The following VPS16 variants were observed in gnomAD, a reference collection of about 807,000 sequenced individuals.
VPS16 encodes VPS16 core subunit of CORVET and HOPS complexes, also known as vacuolar protein sorting-associated protein 16 homolog.
A neutral mutation model predicts 116.0 loss-of-function variants in VPS16; 82 were observed. That is an observed-to-expected ratio of 0.71 (90% CI 0.59 to 0.85). The LOEUF is 0.85. VPS16 is among the 40% of genes least tolerant of loss of function. VPS16 has a pLI of 0.00. For synonymous variants in VPS16, 406 were observed against 420.7 expected (o/e 0.96, Z 0.43); for missense variants, 928 against 1,090.6 (o/e 0.85, Z 2.10).
In VPS16 at chr20:2,866,524, G is replaced by A. The variant is rs1418081550; in HGVS notation, c.2470G>A (p.Ala824Thr). 1.2e-6 allele frequency: 2 copies of A among 1,614,188 alleles called. No individual in the cohort carries two copies. The highest frequency in any genetic ancestry group is 1.1e-5 in the South Asian group (1 of 91,088). ...LSHCTGATDGATADKIQRARA... is the reference protein window; with the variant it reads ...LSHCTGATDGTTADKIQRARA... Reference sequence around the variant, plus strand: ...CCACTGCACGGGAGCCACAGATGGGGCCACAGCTGACAAGATTCAACGGGC... The same window carrying A: ...CCACTGCACGGGAGCCACAGATGGGACCACAGCTGACAAGATTCAACGGGC... Residue 824 changes from alanine to threonine, a missense_variant, in exon 24 of 24, where the codon GCC (alanine) becomes ACC (threonine). Transcript: ENST00000380445.
chr20:2,856,547 A>G (rs1186717538), intron 1 of VPS16, among the ~76,000 whole-genome samples: 2 of 152,240 alleles, frequency 1.3e-5, no homozygotes, highest in Non-Finnish European at 2.9e-5. Context: ...CTTGTAGTAT[A>G]AAAGTGGACA....
In VPS16 at chr20:2,841,709, G is replaced by A. The variant is rs2088976750; in HGVS notation, c.53+882G>A. Among the ~76,000 whole-genome samples, 3 of 151,900 alleles carry A rather than the reference G, an allele frequency of 2.0e-5. No individual in the cohort carries two copies. In the South Asian group the frequency reaches 6.2e-4, roughly 32 times the overall value. Reference sequence around the variant, plus strand: ...AGGTATGGTCTATTTGTATATTTAGGCGACATTTGTATAGGTTTCTTCTGC... The same window carrying A: ...AGGTATGGTCTATTTGTATATTTAGACGACATTTGTATAGGTTTCTTCTGC... On this transcript the variant is annotated intron_variant, in intron 1 of 23. Coordinates refer to ENST00000380445, the MANE Select transcript of VPS16 (RefSeq NM_022575.4).
chr20:2,850,955 G>C, intron 1 of VPS16, among the ~76,000 whole-genome samples: 1 of 123,690 alleles, frequency 8.1e-6, no homozygotes. Flanking sequence ...GGGCGATAGA[G>C]TAAGACTGTC....
chr20:2,840,936 C>G, intron 1 of VPS16, 109 bp downstream of exon 1: 1 of 1,086,948 alleles, frequency 9.2e-7, no homozygotes, highest in South Asian at 1.6e-5. Context: ...GGGTCCGCCC[C>G]GCGCCGGCTC....
intron 11 of VPS16, 191 bp downstream of exon 11, chr20:2,862,321 G>A: frequency 1.0e-6 from 1 of 971,370 alleles, no homozygotes; most frequent in South Asian, 1.7e-5. Context: ...GGGACGGGCA[G>A]AGCATCCCCA....
intron 1 of VPS16, among the ~76,000 whole-genome samples, chr20:2,854,178 G>A (rs1035552174): frequency 1.3e-5 from 2 of 150,928 alleles, no homozygotes; most frequent in Non-Finnish European, 2.9e-5. Context: ...GGAGGCCAAG[G>A]TATAAGAATC....
chr20:2,849,976 A>G (rs1049533169), intron 1 of VPS16, among the ~76,000 whole-genome samples: 15 of 152,194 alleles, frequency 9.9e-5, no homozygotes, highest in South Asian at 2.1e-4. Flanking sequence ...TTCTATACCA[A>G]GTCTGTACCA....
intron 1 of VPS16, 91 bp from the exon 2 acceptor site, chr20:2,859,628 G>A (rs1490840600): frequency 2.7e-5 from 38 of 1,417,840 alleles, no homozygotes; most frequent in Non-Finnish European, 3.2e-5. Flanking sequence ...CCTTGTGGAA[G>A]ACAAATGGAG....
rs775731339 is a variant in VPS16 at position 2,860,051 on chromosome 20, C to T, written c.143-3C>T. 5 of 1,613,950 alleles carry T rather than the reference C, an allele frequency of 3.1e-6. No individual in the cohort carries two copies. The highest frequency in any genetic ancestry group is 4.5e-5 in the East Asian group (2 of 44,880). On this transcript the variant is annotated splice_region_variant and splice_polypyrimidine_tract_variant and intron_variant, in intron 2 of 23. Coordinates refer to ENST00000380445, the MANE Select transcript of VPS16 (RefSeq NM_022575.4). This position sits in a 1 kb window ranked among gnomAD's most constrained non-coding sequence, Gnocchi z 6.1. Reference sequence around the variant, plus strand: ...GGACAGAAGGTCTCTTCTCAAACTGCAGCACTGCTGAGGAACCCCTGGCGG... The same window carrying T: ...GGACAGAAGGTCTCTTCTCAAACTGTAGCACTGCTGAGGAACCCCTGGCGG...
In VPS16 at chr20:2,863,149, A is replaced by T. The variant is rs1419610007; in HGVS notation, c.1367+49A>T. 1 of 1,613,300 alleles carries T rather than the reference A, an allele frequency of 6.2e-7. No individual in the cohort carries two copies. The highest frequency in any genetic ancestry group is 8.5e-7 in the Non-Finnish European group (1 of 1,179,820). ...TGAGCGGGCTGTCAGGGGGGTGGGC[A>T]TTACAGCCTTGGGTGGGGTCTTATG... On this transcript the variant is annotated intron_variant, in intron 14 of 23. Transcript: ENST00000380445. This position sits in a 1 kb window ranked among gnomAD's most constrained non-coding sequence, Gnocchi z 4.4.
chr20:2,855,662 C>A (rs1319687534), intron 1 of VPS16, among the ~76,000 whole-genome samples: 2 of 152,234 alleles, frequency 1.3e-5, no homozygotes, highest in Non-Finnish European at 2.9e-5. Flanking sequence ...TTCGCTAGAT[C>A]TTCTGGATAA....
rs2089296269 is a variant in VPS16, at chr20:2,864,646, G to A, written c.1918G>A (p.Ala640Thr). 1.2e-6 allele frequency: 2 copies of A among 1,614,016 alleles called. No individual in the cohort carries two copies. The highest frequency in any genetic ancestry group is 1.7e-6 in the Non-Finnish European group (2 of 1,180,026). Residue 640 changes from alanine (A) to threonine (T), a missense_variant, in exon 19 of 24, where the codon GCA becomes ACA. Coordinates refer to ENST00000380445, the MANE Select transcript of VPS16 (RefSeq NM_022575.4). This position sits in a 1 kb window ranked among gnomAD's most constrained non-coding sequence, Gnocchi z 5.2. ...GSFHIRASYA[A>T]EERIEGRVAA... ...CTTCCACATCCGAGCCAGCTATGCT[G>A]CAGAAGAGGTCTGAGATCCATGGGG...
intron 1 of VPS16, among the ~76,000 whole-genome samples, chr20:2,858,326 C>T (rs1457434733): frequency 1.3e-5 from 2 of 152,102 alleles, no homozygotes; most frequent in East Asian, 1.9e-4. Flanking sequence ...AGGCCAGTCT[C>T]GGTCCACTGA....
In VPS16 at chr20:2,840,761, C is replaced by T. The variant is rs759930249; in HGVS notation, c.-14C>T. 3.9e-6 allele frequency: 6 copies of T among 1,548,054 alleles called. No individual in the cohort carries two copies. In the South Asian group the frequency reaches 4.8e-5, roughly 12 times the overall value. On this transcript the variant is annotated 5_prime_UTR_variant, in exon 1 of 24. Coordinates refer to ENST00000380445, the MANE Select transcript of VPS16 (RefSeq NM_022575.4). ...TGTCCCCTCGGTGCTTCCCAGCTGC[C>T]GTCTGCACCAGCCATGGACTGCTAC...
Position 2,864,403 on chromosome 20 carries a change from C to T in VPS16, c.1759C>T (p.Arg587Ter), listed in dbSNP as rs865990521. 1.2e-6 allele frequency: 2 copies of T among 1,614,136 alleles called. No homozygotes were observed. Among genetic ancestry groups the T allele is most frequent in the East Asian group, 2.2e-5 (1 of 44,876 alleles). Residue 587 changes from arginine to a stop codon, truncating the protein, a stop_gained, in exon 18 of 24, where the codon CGA becomes TGA. Transcript: ENST00000380445. LOFTEE classifies it high-confidence loss of function. The surrounding 1 kb of genome is among the most constrained non-coding windows in gnomAD (Gnocchi z 5.2). ...GCTGCACCTGAAGAACGAGCTGAAC[C>T]GAGGAGATTTTTTCATGACCCTTCG... ...VLLHLKNELN[R>*]GDFFMTLRNQ...
At chr20:2,841,693 C>T (rs1425648409) in intron 1 of VPS16, among the ~76,000 whole-genome samples, 1 of 152,004 alleles carries the variant, frequency 6.6e-6, no homozygotes, top group Non-Finnish European at 1.5e-5. Flanking sequence ...TAGGTATGGT[C>T]TATTTGTATA....
At chr20:2,853,331 G>T (rs6132980) in intron 1 of VPS16, among the ~76,000 whole-genome samples, 5,936 of 152,148 alleles carry the variant, frequency 0.039, 229 homozygotes, top group Admixed American at 0.1. Context: ...AGACGTTGCA[G>T]TGAGCCGAGA....
intron 1 of VPS16, among the ~76,000 whole-genome samples, chr20:2,847,018 A>G (rs1201748794): frequency 7.9e-5 from 12 of 151,780 alleles, no homozygotes; most frequent in Admixed American, 7.9e-4. Flanking sequence ...CAGAGTCCTC[A>G]CCCTTAGGCT....
intron 8 of VPS16, 140 bp downstream of exon 8, chr20:2,861,420 A>C: frequency 1.4e-6 from 2 of 1,443,938 alleles, no homozygotes; most frequent in Non-Finnish European, 1.9e-6. Context: ...TGCACACTTG[A>C]AGGAAACCAT....
Sources: gnomAD v4.1 joint callset for allele counts (sites outside exome capture counted in the v4.1 genomes callset) on GRCh38, gnomAD v4.1.1 for gene constraint, Gnocchi (gnomAD v3.1) non-coding constraint, MANE v1.5 for transcripts, NCBI Gene and HGNC (gene_info 2026-07-23, HGNC 2026-07-21) for gene names.